The following DST variants were observed in gnomAD, a reference collection of about 807,000 sequenced individuals.
The protein encoded by DST is bullous pemphigoid antigen.
In DST, 253 loss-of-function variants were observed where a neutral mutation model predicts 875.2. The observed-to-expected ratio is 0.29, with a 90% CI of 0.26 to 0.32. The LOEUF is 0.32. Ranked by LOEUF, DST falls within the 10% of genes least tolerant of loss-of-function variation. The pLI is 1.00. For synonymous variants in DST, 3,124 were observed against 3,197.1 expected (o/e 0.98, Z 0.77); for missense variants, 8,287 against 9,111.6 (o/e 0.91, Z 3.68).
At chr6:56,570,807 A>C (rs1361108259) in intron 53 of DST, among the ~76,000 whole-genome samples, 1 of 152,234 alleles carries the variant, frequency 6.6e-6, no homozygotes, top group Non-Finnish European at 1.5e-5. Context: ...CTAAGAATAC[A>C]CAAACAGTTT....
intron 2 of DST, among the ~76,000 whole-genome samples, chr6:56,952,757 T>C (rs1268238586): frequency 1.3e-5 from 2 of 152,108 alleles, no homozygotes; most frequent in African/African-American, 4.8e-5. Context: ...CCGAGATGTA[T>C]CACACAGCTA....
At chr6:56,785,179 A>T (rs947807752) in intron 4 of DST, among the ~76,000 whole-genome samples, 1 of 152,182 alleles carries the variant, frequency 6.6e-6, no homozygotes, top group Non-Finnish European at 1.5e-5. Context: ...GACCCACCTG[A>T]GGAGGCAGTC....
At position 56,515,483 on chromosome 6, in the gene DST, A is replaced by G. The variant is rs369810130; in HGVS notation, c.18543T>C (p.Tyr6181=). Residue 6181 remains tyrosine, a synonymous_variant, in exon 72 of 104, where the codon TAT becomes TAC. Coordinates refer to ENST00000680361, the MANE Select transcript of DST (RefSeq NM_001374736.1). ...CTTCCTGCTGCTGCCTTAGAGTTTC[A>G]TATTCAAGGGCTGGGGCGGGAAGCT... The part of the protein sequence containing the change: ...ISQLPAPALE[Y]ETLRQQQEEH... 3.9e-5 allele frequency: 63 copies of G among 1,613,750 alleles called. No individual in the cohort carries two copies. Among genetic ancestry groups the G allele is most frequent in the Non-Finnish European group, 5.3e-5 (62 of 1,179,830 alleles).
At position 56,606,875 on chromosome 6, in the gene DST, T is replaced by G. The variant is rs766166428; in HGVS notation, c.7753A>C (p.Ile2585Leu). 6.2e-7 allele frequency: 1 copy of G among 1,613,238 alleles called. No homozygotes were observed. The highest frequency in any genetic ancestry group is 1.3e-5 in the African/African-American group (1 of 74,862). The part of the protein sequence containing the change: ...TCATPLLDET[I>L]SASDYETSLL... ...GACGTTTCATAGTCACTAGCACTGA[T>G]GGTTTCATCAAGCAATGGTGTAGCA... The change falls in exon 40 of 104, where the codon ATC (isoleucine) becomes CTC (leucine). Residue 2585 changes from isoleucine (I) to leucine (L), a missense_variant. Ile to Leu is a conservative substitution (Grantham distance 5, BLOSUM62 2). Transcript: ENST00000680361.
intron 61 of DST, among the ~76,000 whole-genome samples, chr6:56,539,336 C>T (rs1246733016): frequency 6.6e-6 from 1 of 151,986 alleles, no homozygotes; most frequent in Non-Finnish European, 1.5e-5. Context: ...ACTGAAATAT[C>T]CTTTACAGAA....
chr6:56,783,439 T>C (rs2152994909), intron 4 of DST, among the ~76,000 whole-genome samples: 1 of 152,224 alleles, frequency 6.6e-6, no homozygotes, highest in East Asian at 1.9e-4. Context: ...TTAGGATAGT[T>C]AGCTCTTCTT....
At chr6:56,620,775 G>A in intron 36 of DST, 2 of 1,471,192 alleles carry the variant, frequency 1.4e-6, no homozygotes, top group Middle Eastern at 1.7e-4. Context: ...TACAACGTAT[G>A]AATCAATGTT....
chr6:56,742,193 C>T, intron 4 of DST: 1 of 923,120 alleles, frequency 1.1e-6, no homozygotes, highest in African/African-American at 1.7e-5. Flanking sequence ...TATCGCCATG[C>T]AAACCAAAGC....
At chr6:56,801,041 A>C (rs1446502985) in intron 4 of DST, among the ~76,000 whole-genome samples, 1 of 151,826 alleles carries the variant, frequency 6.6e-6, no homozygotes, top group Non-Finnish European at 1.5e-5. Flanking sequence ...AAAAAAAAAA[A>C]AAAAACCTCC....
At chr6:56,563,914 T>C (rs2097592713) in intron 55 of DST, among the ~76,000 whole-genome samples, 1 of 152,170 alleles carries the variant, frequency 6.6e-6, no homozygotes. Flanking sequence ...CTGAGGCCTC[T>C]GTTCTGTTCT....
At chr6:56,796,085 G>A (rs973481997) in intron 4 of DST, among the ~76,000 whole-genome samples, 10 of 152,138 alleles carry the variant, frequency 6.6e-5, no homozygotes, top group Non-Finnish European at 1.3e-4. Flanking sequence ...CCAGGGATAC[G>A]GGGCAACCAT....
intron 61 of DST, chr6:56,542,525 G>A (rs1187914348): frequency 6.8e-6 from 1 of 147,850 alleles, no homozygotes; most frequent in Non-Finnish European, 1.5e-5. Flanking sequence ...TTGCAGCAAC[G>A]AAGAGCTCCG....
chr6:56,509,130 T>C (rs1032550717), intron 74 of DST, among the ~76,000 whole-genome samples: 5 of 152,202 alleles, frequency 3.3e-5, no homozygotes, highest in African/African-American at 9.6e-5. Context: ...GTCCCAGGAA[T>C]GTAACAATGT....
At chr6:56,934,560 T>TATATATATATATATATATA (rs1554267212) in intron 2 of DST, among the ~76,000 whole-genome samples, 3 of 106,486 alleles carry the variant, frequency 2.8e-5, no homozygotes, top group African/African-American at 1.1e-4. Flanking sequence ...ATATATTATA[T>TATATATATATATATATATA]TATATATATA....
At position 56,597,839 on chromosome 6, in the gene DST, T is replaced by G. The variant is rs2152696450; in HGVS notation, c.12096A>C (p.Gly4032=). ...GGTTACCATTAACTTCATCCTCTTC[T>G]CCAATTGCTGACTTGCCATCACCTT... is the stretch of plus-strand genomic sequence containing the variant. The part of the protein sequence containing the change: ...FQEGDGKSAI[G]EEDEVNGNLL... Residue 4032 remains glycine (G), a synonymous_variant, in exon 47 of 104, where the codon GGA becomes GGC. Transcript: ENST00000680361. 1.9e-6 allele frequency: 3 copies of G among 1,613,980 alleles called. No individual in the cohort carries two copies. Among genetic ancestry groups the G allele is most frequent in the Non-Finnish European group, 8.5e-7 (1 of 1,179,870 alleles).
At chr6:56,944,463 T>C (rs1818371866) in intron 2 of DST, among the ~76,000 whole-genome samples, 1 of 152,200 alleles carries the variant, frequency 6.6e-6, no homozygotes, top group African/African-American at 2.4e-5. Flanking sequence ...TACCCTTTTT[T>C]TTTGTTTTGA....
chr6:56,947,958 C>T (rs199526956), intron 2 of DST, among the ~76,000 whole-genome samples: 1 of 30,538 alleles, frequency 3.3e-5, no homozygotes, highest in Non-Finnish European at 9.1e-5. Context: ...TATACAAACA[C>T]ACCTATGATA....
At chr6:56,745,636 T>C (rs977627079) in intron 4 of DST, among the ~76,000 whole-genome samples, 21 of 152,090 alleles carry the variant, frequency 1.4e-4, no homozygotes, top group African/African-American at 4.8e-4. Flanking sequence ...ACCACTGATA[T>C]AACAGCAGAC....
intron 3 of DST, chr6:56,871,374 C>A (rs563756608): frequency 8.1e-7 from 1 of 1,232,654 alleles, no homozygotes; most frequent in Non-Finnish European, 1.2e-6. Context: ...ACCATTCCAA[C>A]GTTACAATGC....
Sources: allele counts gnomAD v4.1 joint callset (sites outside exome capture counted in the v4.1 genomes callset), GRCh38; gene constraint gnomAD v4.1.1; transcripts MANE v1.5; gene names NCBI Gene and HGNC (gene_info 2026-07-23, HGNC 2026-07-21).